The following BRSK1 variants were observed in gnomAD, a reference collection of about 807,000 sequenced individuals.
BRSK1 encodes the protein serine/threonine-protein kinase BRSK1.
In BRSK1, 17 loss-of-function variants were observed where a neutral mutation model predicts 86.2. The ratio of observed to expected loss-of-function variants is 0.20; its 90% confidence interval spans 0.14 to 0.30. The LOEUF is 0.30. BRSK1 is among the 10% of genes least tolerant of loss of function. The pLI is 1.00. For synonymous variants in BRSK1, 464 were observed against 440.1 expected, an observed-to-expected ratio of 1.05 and a Z score of -0.68; for missense variants, 719 against 1,071.9, an observed-to-expected ratio of 0.67 and a Z score of 4.60.
rs1224075639 is a variant in BRSK1 at position 55,304,117 on chromosome 19, C to T, written c.1347+7C>T. 6.2e-7 allele frequency: 1 copy of T among 1,611,080 alleles called. No homozygotes were observed. ...CCCTCTAAGCAGCCCAAGGGTAAGG[C>T]CAGGTCCCCAGTGGGATTTAAGAAG... On this transcript the variant is annotated splice_region_variant and intron_variant, in intron 13 of 18. Coordinates refer to ENST00000309383, the MANE Select transcript of BRSK1 (RefSeq NM_032430.2). This position sits in a 1 kb window ranked among gnomAD's most constrained non-coding sequence, Gnocchi z 5.2.
Position 55,284,208 on chromosome 19 carries a change from C to A in BRSK1, c.-235C>A, listed in dbSNP as rs2088273579. 2.8e-6 allele frequency: 2 copies of A among 717,582 alleles called. No individual in the cohort carries two copies. The highest frequency in any genetic ancestry group is 3.8e-6 in the Non-Finnish European group (2 of 521,164). 44.5% of individuals were successfully genotyped at this position (717,582 alleles called of 1,614,324 possible). ...GGGCTGGGGAGGGGGGGCCCCGCAG[C>A]CCCCCTGGGCCATGCTGACTCCCGG... On this transcript the variant is annotated 5_prime_UTR_variant, in exon 1 of 19. Transcript: ENST00000309383.
chr19:55,294,355 A>C lies in BRSK1; in HGVS notation c.636A>C (p.Ala212=). The C allele has an allele frequency of 6.2e-7, 1 of 1,614,170 alleles. No individual in the cohort carries two copies. Among genetic ancestry groups the C allele is most frequent in the Non-Finnish European group, 8.5e-7 (1 of 1,180,046 alleles). The change falls in exon 7 of 19, where the codon GCA becomes GCC. Residue 212 remains alanine, a synonymous_variant. Transcript: ENST00000309383. This position sits in a 1 kb window ranked among gnomAD's most constrained non-coding sequence, Gnocchi z 4.9. ...GGGAAAAATATGATGGCCGCCGGGC[A>C]GACATGTGGAGCTGTGGAGTCATCC... ...IKGEKYDGRR[A]DMWSCGVILF... is the part of the protein sequence containing the mutation.
At chr19:55,292,373 C>T (rs962052991) in intron 4 of BRSK1, among the ~76,000 whole-genome samples, 6 of 152,152 alleles carry the variant, frequency 3.9e-5, no homozygotes, top group African/African-American at 7.2e-5. Flanking sequence ...ACTAATATGA[C>T]ATCTGGGATG....
At chr19:55,291,214 A>C (rs2122944347) in intron 4 of BRSK1, among the ~76,000 whole-genome samples, 1 of 152,142 alleles carries the variant, frequency 6.6e-6, no homozygotes, top group East Asian at 1.9e-4. Flanking sequence ...GGCATGAGCC[A>C]CTGCGCCTGG....
Position 55,305,547 on chromosome 19 carries a change from C to A in BRSK1, c.1851C>A (p.Leu617=). The part of the protein sequence containing the change: ...QIFLVLKDKP[L]SSIKADIVHA... Reference sequence around the variant, plus strand: ...TCCTCGTGCTAAAGGACAAACCTCTCAGCAGCATCAAAGCAGACATCGTCC... The same window carrying A: ...TCCTCGTGCTAAAGGACAAACCTCTAAGCAGCATCAAAGCAGACATCGTCC... Residue 617 remains leucine (L), a synonymous_variant, in exon 16 of 19, where the codon CTC becomes CTA. Coordinates refer to ENST00000309383, the MANE Select transcript of BRSK1 (RefSeq NM_032430.2). 6.2e-7 allele frequency: 1 copy of A among 1,614,218 alleles called. No individual in the cohort carries two copies. Among genetic ancestry groups the A allele is most frequent in the Non-Finnish European group, 8.5e-7 (1 of 1,180,040 alleles).
At chr19:55,290,224 G>A (rs1213188864) in intron 4 of BRSK1, among the ~76,000 whole-genome samples, 2 of 152,168 alleles carry the variant, frequency 1.3e-5, no homozygotes, top group Admixed American at 1.3e-4. Context: ...TCGAACTCTT[G>A]ACCTCAGGTG....
rs1211332679 is a variant in BRSK1, at chr19:55,284,090, G to A, written c.-353G>A. ...CGGAGGAGAGAGGGCGCGTGGGGGG[G>A]CGGGGGGGACCTCGGCCTGCAGCAT... On this transcript the variant is annotated 5_prime_UTR_variant, in exon 1 of 19. Coordinates refer to ENST00000309383, the MANE Select transcript of BRSK1 (RefSeq NM_032430.2). 1.7e-5 allele frequency: 8 copies of A among 470,204 alleles called. No homozygotes were observed. Among genetic ancestry groups the A allele is most frequent in the Non-Finnish European group, 2.4e-5 (7 of 293,614 alleles). 29.1% of individuals were successfully genotyped at this position (470,204 alleles called of 1,614,324 possible).
intron 15 of BRSK1, 26 bp downstream of exon 15, chr19:55,305,395 T>G: frequency 6.2e-7 from 1 of 1,613,926 alleles, no homozygotes; most frequent in Non-Finnish European, 8.5e-7. Context: ...AAGGAAAGAG[T>G]GGGGATGCAG....
At position 55,303,574 on chromosome 19, in the gene BRSK1, T is replaced by C; in HGVS notation, c.1127-93T>C. On this transcript the variant is annotated intron_variant, in intron 11 of 18. Coordinates refer to ENST00000309383, the MANE Select transcript of BRSK1 (RefSeq NM_032430.2). This position sits in a 1 kb window ranked among gnomAD's most constrained non-coding sequence, Gnocchi z 5.1. ...CATTTATCAAATCCCCTCTCCACTC[T>C]AGGCCTGTTTCCCCATGTGTGCAGT... 1.3e-6 allele frequency: 2 copies of C among 1,520,922 alleles called. No homozygotes were observed. Among genetic ancestry groups the C allele is most frequent in the South Asian group, 1.2e-5 (1 of 81,006 alleles). 94.2% of individuals were successfully genotyped at this position (1,520,922 alleles called of 1,614,324 possible). A position where few individuals can be genotyped will look rare whatever the true frequency, so the allele number is the denominator to read the frequency against.
chr19:55,306,577 G>A lies in BRSK1; in HGVS notation c.2089+127G>A. 1 of 1,095,412 alleles carries A rather than the reference G, an allele frequency of 9.1e-7. No individual in the cohort carries two copies. The highest frequency in any genetic ancestry group is 1.3e-6 in the Non-Finnish European group (1 of 758,034). The allele number at this position is 1,095,412 out of a possible 1,614,324, so 67.9% of individuals were successfully genotyped here. A position where few individuals can be genotyped will look rare whatever the true frequency, so the allele number is the denominator to read the frequency against. ...GGTGTTCAGCTGGTGCCGACTCTCTGTGCTCCTCCTGCCCACACAGACCGC... is the reference window on the plus strand; with the variant it reads ...GGTGTTCAGCTGGTGCCGACTCTCTATGCTCCTCCTGCCCACACAGACCGC... On this transcript the variant is annotated intron_variant, in intron 17 of 18. Transcript: ENST00000309383. This position sits in a 1 kb window ranked among gnomAD's most constrained non-coding sequence, Gnocchi z 4.7.
Position 55,312,111 on chromosome 19 carries a change from TTCCGTG to T in BRSK1, c.*44_*49del. ...GGGAGGGGACCCCCCTCCACCCCCC[TTCCGTG>T]CCCCCCAACTGTGAATCTGTAAATA... On this transcript the variant is annotated 3_prime_UTR_variant, in exon 19 of 19. Transcript: ENST00000309383. 2 of 822,598 alleles carry T rather than the reference TTCCGTG, an allele frequency of 2.4e-6. No individual in the cohort carries two copies. The highest frequency in any genetic ancestry group is 3.6e-6 in the Non-Finnish European group (2 of 549,464). 51.0% of individuals were successfully genotyped at this position (822,598 alleles called of 1,614,324 possible). A position where few individuals can be genotyped will look rare whatever the true frequency, so the allele number is the denominator to read the frequency against.
In BRSK1 at chr19:55,310,955, C is replaced by G. The variant is rs1387843161; in HGVS notation, c.2180-956C>G. 6.6e-6 allele frequency among the ~76,000 whole-genome samples: 1 copy of G among 151,954 alleles called. No individual in the cohort carries two copies. Among genetic ancestry groups the G allele is most frequent in the Non-Finnish European group, 1.5e-5 (1 of 67,968 alleles). ...TCACCGTGGTTGCTATGACAAGCCC[C>G]CCAGTTTTTGTTTTTGTTTTTTTGA... On this transcript the variant is annotated intron_variant, in intron 18 of 18. Transcript: ENST00000309383. This position sits in a 1 kb window ranked among gnomAD's most constrained non-coding sequence, Gnocchi z 5.0.
rs1215789032 is a variant in BRSK1, at chr19:55,303,226, G to A, written c.1029-85G>A. 4 of 1,054,114 alleles carry A rather than the reference G, an allele frequency of 3.8e-6. No individual in the cohort carries two copies. Among genetic ancestry groups the A allele is most frequent in the Non-Finnish European group, 5.8e-6 (4 of 683,906 alleles). 65.3% of individuals were successfully genotyped at this position (1,054,114 alleles called of 1,614,324 possible). On this transcript the variant is annotated intron_variant, in intron 10 of 18. Coordinates refer to ENST00000309383, the MANE Select transcript of BRSK1 (RefSeq NM_032430.2). The surrounding 1 kb of genome is among the most constrained non-coding windows in gnomAD (Gnocchi z 5.1). Reference sequence around the variant, plus strand: ...AATGGAACCATGGGCAGAAATACAGGGAGCGGAGGAGACCTCCTCTGAGCA... The same window carrying A: ...AATGGAACCATGGGCAGAAATACAGAGAGCGGAGGAGACCTCCTCTGAGCA...
Position 55,304,528 on chromosome 19 carries a change from T to C in BRSK1, c.1348-23T>C, listed in dbSNP as rs922407136. 3 of 1,537,360 alleles carry C rather than the reference T, an allele frequency of 2.0e-6. No individual in the cohort carries two copies. The highest frequency in any genetic ancestry group is 2.6e-6 in the Non-Finnish European group (3 of 1,148,402). ...CTGGGAGTTGTAGTCCACTCGCTTA[T>C]CTCAGTCTCCTGTCCTCTGCAGAGT... is the stretch of plus-strand genomic sequence containing the variant. On this transcript the variant is annotated intron_variant, in intron 13 of 18. Transcript: ENST00000309383. This position sits in a 1 kb window ranked among gnomAD's most constrained non-coding sequence, Gnocchi z 5.2.
Position 55,287,095 on chromosome 19 carries a change from G to A in BRSK1, c.225G>A (p.Leu75=). The A allele has an allele frequency of 6.2e-7, 1 of 1,603,796 alleles. No homozygotes were observed. The highest frequency in any genetic ancestry group is 8.5e-7 in the Non-Finnish European group (1 of 1,174,268). The change falls in exon 2 of 19, where the codon CTG becomes CTA. Residue 75 remains leucine (L), a synonymous_variant. Transcript: ENST00000309383. This position sits in a 1 kb window ranked among gnomAD's most constrained non-coding sequence, Gnocchi z 5.3. ...GGGAGAAGCTGTCGGAGTCGGTGCT[G>A]ATGAAGGTGTGTGCGCCTGCTGCAG... The part of the protein sequence containing the change: ...VNREKLSESV[L]MKVEREIAIL...
chr19:55,311,981 C>T lies in BRSK1; in HGVS notation c.2250C>T (p.Arg750=). ...GAAGCCTGCAGCCCCCACCCGGCCG[C>T]CCAGACCCAGAGCTGAGCAGCTCTC... ...PPRSLQPPPG[R]PDPELSSSPR... Residue 750 remains arginine, a synonymous_variant, in exon 19 of 19, where the codon CGC becomes CGT. Transcript: ENST00000309383. 3 of 1,584,098 alleles carry T rather than the reference C, an allele frequency of 1.9e-6. No homozygotes were observed. Among genetic ancestry groups the T allele is most frequent in the Non-Finnish European group, 2.6e-6 (3 of 1,164,890 alleles).
chr19:55,310,983 CAG>C lies in BRSK1; in HGVS notation c.2180-926_2180-925del, dbSNP rs1173766599. 1.3e-5 allele frequency among the ~76,000 whole-genome samples: 2 copies of C among 152,042 alleles called. No homozygotes were observed. The highest frequency in any genetic ancestry group is 4.8e-5 in the African/African-American group (2 of 41,388). ...AGTTTTTGTTTTTGTTTTTTTGAGA[CAG>C]AATCTCCCTCTGTCGCTCAGGCTGG... On this transcript the variant is annotated intron_variant, in intron 18 of 18. Transcript: ENST00000309383. This position sits in a 1 kb window ranked among gnomAD's most constrained non-coding sequence, Gnocchi z 5.0.
rs571084618 is a variant in BRSK1, at chr19:55,296,639, A to G, written c.678+2242A>G. Among the ~76,000 whole-genome samples, 142 of 152,174 alleles carry G rather than the reference A, an allele frequency of 9.3e-4. 3 individuals are homozygous for G. In the South Asian group the frequency reaches 0.028, roughly 30 times the overall value. On this transcript the variant is annotated intron_variant, in intron 7 of 18. Coordinates refer to ENST00000309383, the MANE Select transcript of BRSK1 (RefSeq NM_032430.2). ...AGGTGGGCGGATCACGAGGTCAGGAAATCGAGACCGTCCTGGCTAACGTGG... is the reference window on the plus strand; with the variant it reads ...AGGTGGGCGGATCACGAGGTCAGGAGATCGAGACCGTCCTGGCTAACGTGG...
intron 3 of BRSK1, among the ~76,000 whole-genome samples, chr19:55,288,208 C>T (rs546537911): frequency 2.0e-5 from 3 of 152,176 alleles, no homozygotes; most frequent in South Asian, 4.2e-4. Flanking sequence ...GGGCCAGGCG[C>T]GGTGGCTCAT....
Sources: gnomAD v4.1 joint callset for allele counts (sites outside exome capture counted in the v4.1 genomes callset) on GRCh38, gnomAD v4.1.1 for gene constraint, Gnocchi (gnomAD v3.1) non-coding constraint, MANE v1.5 for transcripts, NCBI Gene and HGNC (gene_info 2026-07-23, HGNC 2026-07-21) for gene names.